The following GPD2 variants were observed in gnomAD, a reference collection of about 807,000 sequenced individuals.
GPD2 encodes the protein glycerol-3-phosphate dehydrogenase 2.
GPD2 carries 54 observed loss-of-function variants against 82.4 expected under a neutral mutation model. The observed-to-expected ratio is 0.66, with a 90% confidence interval of 0.53 to 0.82. GPD2 has a LOEUF of 0.82. Among genes scored for constraint, GPD2 ranks in the 40% least tolerant of loss-of-function variants. GPD2 has a pLI of 0.00. For synonymous variants in GPD2, 288 were observed against 306.1 expected (o/e 0.94, Z 0.62); for missense variants, 748 against 896.2 (o/e 0.83, Z 2.11).
chr2:156,535,520 T>G (rs1821227), intron 6 of GPD2, among the ~76,000 whole-genome samples: 105,008 of 149,814 alleles, frequency 0.7, 37,017 homozygotes, highest in Middle Eastern at 0.82. Context: ...CTGCTTGCTT[T>G]AATTTCTTGG....
At chr2:156,445,394 A>G (rs1352940970) in intron 1 of GPD2, among the ~76,000 whole-genome samples, 1 of 152,222 alleles carries the variant, frequency 6.6e-6, no homozygotes, top group Non-Finnish European at 1.5e-5. Context: ...ATTGTATTCC[A>G]CTGCCCAACC....
intron 1 of GPD2, among the ~76,000 whole-genome samples, chr2:156,456,793 G>A (rs966828715): frequency 1.9e-4 from 29 of 151,940 alleles, no homozygotes; most frequent in African/African-American, 7.0e-4. Flanking sequence ...GAGGGTGAAG[G>A]TGGGTTGGGG....
intron 6 of GPD2, among the ~76,000 whole-genome samples, chr2:156,529,653 A>C (rs1380482482): frequency 6.6e-6 from 1 of 151,766 alleles, no homozygotes; most frequent in Admixed American, 6.6e-5. Flanking sequence ...AGCTTTCTAC[A>C]TATGGCTAGC....
At chr2:156,538,340 T>C (rs991313525) in intron 6 of GPD2, among the ~76,000 whole-genome samples, 11 of 152,156 alleles carry the variant, frequency 7.2e-5, no homozygotes, top group South Asian at 2.1e-4. Flanking sequence ...CCTTCCTACA[T>C]GCCATACATT....
At chr2:156,560,298 C>A (rs1394524700) in intron 9 of GPD2, among the ~76,000 whole-genome samples, 1 of 82,360 alleles carries the variant, frequency 1.2e-5, no homozygotes, top group Non-Finnish European at 3.0e-5. Flanking sequence ...ACTTGGCATA[C>A]CTGGTTGGTC....
At chr2:156,495,244 T>TATAC (rs1490924828) in intron 2 of GPD2, among the ~76,000 whole-genome samples, 2 of 152,060 alleles carry the variant, frequency 1.3e-5, no homozygotes, top group African/African-American at 4.8e-5. Flanking sequence ...AGCTACTCTG[T>TATAC]AGGCTGAGGT....
At chr2:156,580,397 A>G (rs1421545175) in intron 16 of GPD2, among the ~76,000 whole-genome samples, 1 of 152,188 alleles carries the variant, frequency 6.6e-6, no homozygotes, top group South Asian at 2.1e-4. Flanking sequence ...ATCATGCAGG[A>G]AATAAATTTT....
chr2:156,543,449 C>T (rs1398856537), intron 6 of GPD2, among the ~76,000 whole-genome samples: 2 of 152,186 alleles, frequency 1.3e-5, no homozygotes, highest in Non-Finnish European at 1.5e-5. Flanking sequence ...GTAACTGTGT[C>T]TCTTTGGCTG....
intron 3 of GPD2, among the ~76,000 whole-genome samples, chr2:156,509,520 C>T (rs1410271243): frequency 6.6e-6 from 1 of 152,072 alleles, no homozygotes; most frequent in Non-Finnish European, 1.5e-5. Flanking sequence ...ATGAAAACTC[C>T]TCATGGCTTG....
intron 9 of GPD2, among the ~76,000 whole-genome samples, chr2:156,561,605 C>T (rs910744723): frequency 3.3e-5 from 5 of 152,148 alleles, no homozygotes; most frequent in African/African-American, 1.2e-4. Context: ...GAGGAGGTTT[C>T]CTGTCTCATA....
intron 6 of GPD2, among the ~76,000 whole-genome samples, chr2:156,539,756 GAAA>G (rs1322025785): frequency 6.6e-6 from 1 of 152,078 alleles, no homozygotes; most frequent in Non-Finnish European, 1.5e-5. Context: ...AAAGAGGACT[GAAA>G]AAAATGGTTC....
At chr2:156,481,454 C>T (rs1426252677) in intron 2 of GPD2, among the ~76,000 whole-genome samples, 4 of 148,414 alleles carry the variant, frequency 2.7e-5, no homozygotes, top group African/African-American at 9.7e-5. Context: ...TCCCTGTCTT[C>T]CCCCTCCCCT....
At chr2:156,475,546 A>C (rs1336402857) in intron 1 of GPD2, among the ~76,000 whole-genome samples, 2 of 152,162 alleles carry the variant, frequency 1.3e-5, no homozygotes, top group Admixed American at 1.3e-4. Flanking sequence ...CTCTTTCAAT[A>C]ATAGAAATAT....
At chr2:156,550,238 C>G (rs1181802508) in intron 7 of GPD2, among the ~76,000 whole-genome samples, 1 of 152,200 alleles carries the variant, frequency 6.6e-6, no homozygotes, top group Non-Finnish European at 1.5e-5. Flanking sequence ...AACAAAAGCT[C>G]TATGATATAC....
At chr2:156,401,173 C>A in the GPD2 span, among the ~76,000 whole-genome samples, 1 of 152,148 alleles carries the variant, frequency 6.6e-6, no homozygotes, top group Non-Finnish European at 1.5e-5. Flanking sequence ...CGAACCCGGG[C>A]CTCCCGCGTG....
chr2:156,550,105 T>G (rs2105334747), intron 7 of GPD2, among the ~76,000 whole-genome samples: 1 of 152,340 alleles, frequency 6.6e-6, no homozygotes, highest in East Asian at 1.9e-4. Context: ...CAAAGTATCA[T>G]TTGGGTGACA....
At position 156,582,979 on chromosome 2, in the gene GPD2, A is replaced by C. The variant is rs1574027242; in HGVS notation, c.*61A>C. On this transcript the variant is annotated 3_prime_UTR_variant, in exon 17 of 17. Transcript: ENST00000438166. Reference sequence around the variant, plus strand: ...AACGACAAATCACCATGTAACAACCAGAGATGACTGAAACCACTCTGAAAT... The same window carrying C: ...AACGACAAATCACCATGTAACAACCCGAGATGACTGAAACCACTCTGAAAT... 1.7e-5 allele frequency: 27 copies of C among 1,573,104 alleles called. No homozygotes were observed. In the South Asian group the frequency reaches 2.9e-4, roughly 17 times the overall value.
At chr2:156,548,539 C>T (rs1316672168) in intron 6 of GPD2, among the ~76,000 whole-genome samples, 1 of 151,314 alleles carries the variant, frequency 6.6e-6, no homozygotes, top group Admixed American at 6.6e-5. Flanking sequence ...GTCATTGATT[C>T]TCTCTTTATA....
intron 1 of GPD2, among the ~76,000 whole-genome samples, chr2:156,462,878 G>T (rs771416342): frequency 2.0e-5 from 3 of 152,144 alleles, no homozygotes; most frequent in Non-Finnish European, 4.4e-5. Context: ...TAACAATGAC[G>T]AGTTAATGGG....
Sources: gnomAD v4.1 joint callset for allele counts (sites outside exome capture counted in the v4.1 genomes callset) on GRCh38, gnomAD v4.1.1 for gene constraint, MANE v1.5 for transcripts, NCBI Gene and HGNC (gene_info 2026-07-23, HGNC 2026-07-21) for gene names.